Variants in RSF1 observed in about 807,000 individuals in gnomAD.
RSF1 encodes remodeling and spacing factor 1.
In RSF1, 13 loss-of-function variants were observed where a neutral mutation model predicts 145.2. The ratio of observed to expected loss-of-function variants is 0.09; its 90% confidence interval spans 0.06 to 0.14. RSF1 has a LOEUF of 0.14. Among genes scored for constraint, RSF1 ranks in the 10% least tolerant of loss-of-function variants. The probability of loss-of-function intolerance (pLI) is 1.00; values close to 1 mark genes in which losing one functional copy is unlikely to be tolerated. For synonymous variants in RSF1, 577 were observed against 592.6 expected (o/e 0.97, Z 0.38); for missense variants, 1,517 against 1,718.2 (o/e 0.88, Z 2.07).
chr11:77,847,207 T>C, the RSF1 span, among the ~76,000 whole-genome samples: 435 of 152,324 alleles, frequency 2.9e-3, 3 homozygotes, highest in African/African-American at 9.7e-3. Flanking sequence ...GTAACTTCAA[T>C]ATCAGTTCAC....
At chr11:77,749,618 G>A (rs570540150) in intron 2 of RSF1, among the ~76,000 whole-genome samples, 2 of 152,162 alleles carry the variant, frequency 1.3e-5, no homozygotes, top group Non-Finnish European at 2.9e-5. Context: ...AAAAGGGGAG[G>A]ATAAAAAAAG....
chr11:77,826,197 A>G, the RSF1 span, among the ~76,000 whole-genome samples: 2 of 152,100 alleles, frequency 1.3e-5, no homozygotes, highest in Non-Finnish European at 2.9e-5. Flanking sequence ...CTTCGTCTCT[A>G]CTAAAAATGC....
intron 1 of RSF1, among the ~76,000 whole-genome samples, chr11:77,819,843 T>C (rs1948829993): frequency 6.6e-6 from 1 of 151,930 alleles, no homozygotes. Flanking sequence ...CTGAACCGAC[T>C]TCGCCCCCCT....
rs886870847 is a variant in RSF1 at position 77,663,487 on chromosome 11, TAA to T, written c.*3428_*3429del. 5.3e-5 allele frequency: 8 copies of T among 152,232 alleles called. No homozygotes were observed. Among genetic ancestry groups the T allele is most frequent in the African/African-American group, 1.9e-4 (8 of 41,470 alleles). The allele number at this position is 152,232 out of a possible 1,614,324, so 9.4% of individuals were successfully genotyped here. Reference sequence around the variant, plus strand: ...ATTTTTCAAAAGCTTCATTAGCATTTAAAGTTTTTGGTTCTTGGGCAGGTCAC... The same window carrying T: ...ATTTTTCAAAAGCTTCATTAGCATTTAGTTTTTGGTTCTTGGGCAGGTCAC... On this transcript the variant is annotated 3_prime_UTR_variant, in exon 16 of 16. Transcript: ENST00000308488.
rs942662831 is a variant in RSF1 at position 77,701,327 on chromosome 11, G to T, written c.1902C>A (p.Ile634=). 3 of 1,613,952 alleles carry T rather than the reference G, an allele frequency of 1.9e-6. No homozygotes were observed. Among genetic ancestry groups the T allele is most frequent in the African/African-American group, 2.7e-5 (2 of 74,918 alleles). Residue 634 remains isoleucine (I), a synonymous_variant, in exon 6 of 16, where the codon ATC becomes ATA. Transcript: ENST00000308488. The part of the protein sequence containing the change: ...EAAETSPPSN[I]IDHCEKLASE... ...AGGCTAGTTTCTCACAGTGGTCAATGATATTAGATGGTGGAGAAGTTTCAG... is the reference window on the plus strand; with the variant it reads ...AGGCTAGTTTCTCACAGTGGTCAATTATATTAGATGGTGGAGAAGTTTCAG...
chr11:77,789,351 T>C (rs867673849), intron 1 of RSF1, among the ~76,000 whole-genome samples: 1 of 152,196 alleles, frequency 6.6e-6, no homozygotes, highest in African/African-American at 2.4e-5. Context: ...TAGGCAGCTA[T>C]AGCAAGGTGC....
chr11:77,850,316 A>G, the RSF1 span, among the ~76,000 whole-genome samples: 1 of 152,212 alleles, frequency 6.6e-6, no homozygotes, highest in Non-Finnish European at 1.5e-5. Context: ...GTACCTAGTC[A>G]AATATAACTT....
chr11:77,869,087 T>C, the RSF1 span: 1 of 284,000 alleles, frequency 3.5e-6, no homozygotes, highest in Non-Finnish European at 6.8e-6. Context: ...GTATCACCTG[T>C]CTCATAGATT....
Position 77,806,436 on chromosome 11 carries a change from A to G in RSF1, c.187+14092T>C, listed in dbSNP as rs192415065. 1.7e-3 allele frequency among the ~76,000 whole-genome samples: 264 copies of G among 152,308 alleles called. 2 individuals carry two copies. The highest frequency in any genetic ancestry group is 6.1e-3 in the African/African-American group (255 of 41,564). ...CAAAAAATGAGTTGAGTGATTATCC[A>G]AAGATTTTCCATCTCAGGCATCTCA... On this transcript the variant is annotated intron_variant, in intron 1 of 15. Coordinates refer to ENST00000308488, the MANE Select transcript of RSF1 (RefSeq NM_016578.4).
intron 9 of RSF1, among the ~76,000 whole-genome samples, chr11:77,687,606 C>T (rs1236028171): frequency 2.0e-5 from 3 of 152,030 alleles, no homozygotes; most frequent in African/African-American, 7.2e-5. Context: ...ACTCAGGAGG[C>T]TGAGGTGGGA....
intron 1 of RSF1, chr11:77,813,688 G>A (rs374509065): frequency 2.1e-5 from 10 of 481,466 alleles, no homozygotes; most frequent in African/African-American, 1.2e-4. Context: ...GCTGCTGCAC[G>A]GCTTCCTGAC....
chr11:77,821,653 T>C (rs905751918), upstream of RSF1, among the ~76,000 whole-genome samples: 6 of 151,818 alleles, frequency 4.0e-5, no homozygotes, highest in Admixed American at 2.6e-4. Context: ...TGGGACTCCA[T>C]TGAGAGGCGG....
intron 4 of RSF1, among the ~76,000 whole-genome samples, chr11:77,730,946 T>C (rs530195243): frequency 5.9e-5 from 9 of 152,268 alleles, no homozygotes; most frequent in Non-Finnish European, 1.2e-4. Context: ...AACGGACTAA[T>C]ATAGTAAATT....
intron 4 of RSF1, among the ~76,000 whole-genome samples, chr11:77,730,453 T>C (rs1961177899): frequency 6.6e-6 from 1 of 152,104 alleles, no homozygotes; most frequent in South Asian, 2.1e-4. Context: ...GACAAATGCA[T>C]ACATTGTGTA....
intron 1 of RSF1, among the ~76,000 whole-genome samples, chr11:77,793,522 T>C (rs1459167043): frequency 6.6e-6 from 1 of 152,066 alleles, no homozygotes; most frequent in African/African-American, 2.4e-5. Context: ...TCCAACTATA[T>C]GATGCCTAGA....
At chr11:77,775,821 T>G (rs971626984) in intron 1 of RSF1, among the ~76,000 whole-genome samples, 1 of 152,152 alleles carries the variant, frequency 6.6e-6, no homozygotes, top group Non-Finnish European at 1.5e-5. Context: ...TAGGCTGAAG[T>G]GCAGTGGCAC....
chr11:77,718,627 T>C (rs1177691288), intron 5 of RSF1, among the ~76,000 whole-genome samples: 2 of 152,192 alleles, frequency 1.3e-5, no homozygotes, highest in African/African-American at 2.4e-5. Flanking sequence ...TGGGGGACTT[T>C]AACATTACAG....
At chr11:77,771,296 CAT>C (rs907028950) in intron 1 of RSF1, among the ~76,000 whole-genome samples, 6 of 152,228 alleles carry the variant, frequency 3.9e-5, no homozygotes, top group Non-Finnish European at 7.4e-5. Flanking sequence ...GAAAGGGAAA[CAT>C]GTGACACACG....
At chr11:77,824,081 G>A (rs145685933), upstream of RSF1, among the ~76,000 whole-genome samples, 2 of 152,330 alleles carry the variant, frequency 1.3e-5, no homozygotes, top group Admixed American at 6.5e-5. Context: ...CCAAAGATAA[G>A]AAGTGTTTTG....
Sources: gnomAD v4.1 joint callset for allele counts (sites outside exome capture counted in the v4.1 genomes callset) on GRCh38, gnomAD v4.1.1 for gene constraint, MANE v1.5 for transcripts, NCBI Gene and HGNC (gene_info 2026-07-23, HGNC 2026-07-21) for gene names.